Variants in UBE2O observed in about 807,000 individuals in gnomAD.
UBE2O encodes the protein ubiquitin conjugating enzyme E2 O, also known as (E3-independent) E2 ubiquitin-conjugating enzyme.
A neutral mutation model predicts 125.8 loss-of-function variants in UBE2O; 15 were observed. The ratio of observed to expected loss-of-function variants is 0.12; its 90% CI spans 0.08 to 0.18. The LOEUF is 0.18. UBE2O is among the 10% of genes least tolerant of loss of function. The pLI is 1.00. For missense variants in UBE2O, 1,280 were observed against 1,723.6 expected (o/e 0.74, Z 4.56); for synonymous variants, 708 against 703.2 (o/e 1.01, Z -0.11).
At chr17:76,406,903 T>C (rs1033323006) in intron 1 of UBE2O, among the ~76,000 whole-genome samples, 14 of 152,094 alleles carry the variant, frequency 9.2e-5, no homozygotes, top group African/African-American at 3.4e-4. Flanking sequence ...CTTCACCATG[T>C]TGGCCAGGCT....
chr17:76,399,787 G>A lies in UBE2O; in HGVS notation c.1290C>T (p.Ala430=). Residue 430 remains alanine (A), a synonymous_variant, in exon 9 of 18, where the codon GCC becomes GCT. Coordinates refer to ENST00000319380, the MANE Select transcript of UBE2O (RefSeq NM_022066.4). This position sits in a 1 kb window ranked among gnomAD's most constrained non-coding sequence, Gnocchi z 6.9. ...AGCCATCGGGCGTCTCCTCAGGGCT[G>A]GCAGACTCCGCTTCGCTCTTGGTTT... ...ESKTKSEAES[A]SPEETPDGSA... 6.2e-7 allele frequency: 1 copy of A among 1,614,234 alleles called. No homozygotes were observed.
rs755504180 is a variant in UBE2O, at chr17:76,452,905, C to T, written c.237G>A (p.Val79=). The part of the protein sequence containing the change: ...RYRGSVHFGL[V]RLIHGEDSDS... ...CCGAGTCCTCGCCGTGGATGAGGCGCACCAGCCCGAAGTGCACGGAGCCAC... is the reference window on the plus strand; with the variant it reads ...CCGAGTCCTCGCCGTGGATGAGGCGTACCAGCCCGAAGTGCACGGAGCCAC... The change falls in exon 1 of 18, where the codon GTG becomes GTA. Residue 79 remains valine (V), a synonymous_variant. Transcript: ENST00000319380. The surrounding 1 kb of genome is among the most constrained non-coding windows in gnomAD (Gnocchi z 4.4). 3 of 1,497,404 alleles carry T rather than the reference C, an allele frequency of 2.0e-6. No homozygotes were observed. In the East Asian group the frequency reaches 8.9e-5, roughly 44 times the overall value. The allele number at this position is 1,497,404 out of a possible 1,614,324, so 92.8% of individuals were successfully genotyped here.
rs2072187395 is a variant in UBE2O at position 76,395,353 on chromosome 17, TG to T, written c.2946+371del. 1 of 157,946 alleles carries T rather than the reference TG, an allele frequency of 6.3e-6. No homozygotes were observed. Among genetic ancestry groups the T allele is most frequent in the South Asian group, 1.9e-4 (1 of 5,162 alleles). 9.8% of individuals were successfully genotyped at this position (157,946 alleles called of 1,614,324 possible). On this transcript the variant is annotated intron_variant, in intron 15 of 17. Transcript: ENST00000319380. The surrounding 1 kb of genome is among the most constrained non-coding windows in gnomAD (Gnocchi z 5.0). ...CCCGCATGGTGGCGGGAGAGTTTTT[TG>T]TAATTTTTTTTTTTTTTTTAGTGGA...
chr17:76,408,234 C>T (rs1165268760), intron 1 of UBE2O, among the ~76,000 whole-genome samples: 1 of 152,186 alleles, frequency 6.6e-6, no homozygotes, highest in African/African-American at 2.4e-5. Context: ...AGGAAGGAAC[C>T]GACGTGCTCC....
intron 1 of UBE2O, among the ~76,000 whole-genome samples, chr17:76,431,389 G>A (rs1360524918): frequency 3.3e-5 from 5 of 152,116 alleles, no homozygotes; most frequent in East Asian, 3.9e-4. Flanking sequence ...GCTGGTGCAC[G>A]CCTGTAATCC....
At position 76,404,780 on chromosome 17, in the gene UBE2O, G is replaced by A. The variant is rs987578884; in HGVS notation, c.588+426C>T. 2.0e-5 allele frequency among the ~76,000 whole-genome samples: 3 copies of A among 152,014 alleles called. No homozygotes were observed. Among genetic ancestry groups the A allele is most frequent in the Non-Finnish European group, 4.4e-5 (3 of 68,030 alleles). ...AGAAAAAAGACCGGAGGGGGATCTC[G>A]GGGAAAAGGAGGGAGGGAAGGTGAT... is the stretch of plus-strand genomic sequence containing the variant. On this transcript the variant is annotated intron_variant, in intron 3 of 17. Coordinates refer to ENST00000319380, the MANE Select transcript of UBE2O (RefSeq NM_022066.4). The surrounding 1 kb of genome is among the most constrained non-coding windows in gnomAD (Gnocchi z 4.3).
At position 76,452,595 on chromosome 17, in the gene UBE2O, G is replaced by C. The variant is rs370773712; in HGVS notation, c.417+130C>G. 4.8e-4 allele frequency: 405 copies of C among 850,084 alleles called. 8 individuals are homozygous for C. In the East Asian group the frequency reaches 9.7e-3, roughly 20 times the overall value. 52.7% of individuals were successfully genotyped at this position (850,084 alleles called of 1,614,324 possible). ...TTTGCATGGAGTGTACCCTCCACTG[G>C]GGCTGTCCTCCCGCGTCGGCCACTG... is the stretch of plus-strand genomic sequence containing the variant. On this transcript the variant is annotated intron_variant, in intron 1 of 17. Coordinates refer to ENST00000319380, the MANE Select transcript of UBE2O (RefSeq NM_022066.4). The surrounding 1 kb of genome is among the most constrained non-coding windows in gnomAD (Gnocchi z 4.4).
chr17:76,401,228 G>A, intron 5 of UBE2O, 74 bp from the exon 6 acceptor site: 3 of 1,549,560 alleles, frequency 1.9e-6, no homozygotes, highest in Non-Finnish European at 2.6e-6. Flanking sequence ...CCACGCCTGT[G>A]CCCGCTGGCT....
chr17:76,425,482 C>T (rs1467084074), intron 1 of UBE2O, among the ~76,000 whole-genome samples: 2 of 152,160 alleles, frequency 1.3e-5, no homozygotes, highest in Non-Finnish European at 2.9e-5. Context: ...TGAATATTTA[C>T]CTCCATACAT....
rs200553803 is a variant in UBE2O, at chr17:76,396,627, C to G, written c.2310G>C (p.Glu770Asp). 1 of 1,612,914 alleles carries G rather than the reference C, an allele frequency of 6.2e-7. No individual in the cohort carries two copies. The highest frequency in any genetic ancestry group is 8.5e-7 in the Non-Finnish European group (1 of 1,179,656). The change falls in exon 14 of 18, where the codon GAG becomes GAC. Residue 770 changes from glutamate to aspartate, a missense_variant. Glu to Asp is a conservative substitution (Grantham distance 45). This residue lies in a region of UBE2O where 210 missense variants were observed against 268.9 expected (regional missense o/e 0.78). Transcript: ENST00000319380. The surrounding 1 kb of genome is among the most constrained non-coding windows in gnomAD (Gnocchi z 6.7). ...CTTCACTGATCACCACTCCCTTGTC[C>G]TCAGGGGCCACCGGCTGCTCCAGGG... Reference protein sequence around the residue: ...IPPLEQPVAPEDKGVVISEEA... With the variant: ...IPPLEQPVAPDDKGVVISEEA...
At position 76,396,029 on chromosome 17, in the gene UBE2O, C is replaced by T. The variant is rs1193633458; in HGVS notation, c.2809+99G>A. 1 of 1,487,218 alleles carries T rather than the reference C, an allele frequency of 6.7e-7. No individual in the cohort carries two copies. The highest frequency in any genetic ancestry group is 2.0e-5 in the Admixed American group (1 of 50,714). The allele number at this position is 1,487,218 out of a possible 1,614,324, so 92.1% of individuals were successfully genotyped here. On this transcript the variant is annotated intron_variant, in intron 14 of 17. Transcript: ENST00000319380. The surrounding 1 kb of genome is among the most constrained non-coding windows in gnomAD (Gnocchi z 6.7). ...TTTGCCCTGGGGCAGTAGCTGGGGT[C>T]TGGCGAGGGGACTAACCACCCTGCA...
At chr17:76,416,260 G>C in intron 1 of UBE2O, among the ~76,000 whole-genome samples, 1 of 151,876 alleles carries the variant, frequency 6.6e-6, no homozygotes, top group Non-Finnish European at 1.5e-5. Context: ...GTATGTATAT[G>C]TATATATATA....
At chr17:76,439,424 C>T (rs1236493610) in intron 1 of UBE2O, among the ~76,000 whole-genome samples, 2 of 152,180 alleles carry the variant, frequency 1.3e-5, no homozygotes, top group African/African-American at 4.8e-5. Flanking sequence ...TTTTCTATAA[C>T]AAGACCAAGA....
chr17:76,392,252 G>A (rs2072125884), intron 15 of UBE2O, 139 bp from the exon 16 acceptor site: 1 of 537,982 alleles, frequency 1.9e-6, no homozygotes. Context: ...TGGGACTCCA[G>A]ATGCCACCAG....
intron 1 of UBE2O, among the ~76,000 whole-genome samples, chr17:76,416,317 G>T (rs2072616784): frequency 6.6e-6 from 1 of 152,074 alleles, no homozygotes; most frequent in South Asian, 2.1e-4. Flanking sequence ...TGAGCTTGCT[G>T]GAAACGCAGA....
chr17:76,427,194 C>T (rs1195099012), intron 1 of UBE2O, among the ~76,000 whole-genome samples: 1 of 152,144 alleles, frequency 6.6e-6, no homozygotes, highest in Non-Finnish European at 1.5e-5. Flanking sequence ...ACAAGCATCT[C>T]TTTTATCTCT....
chr17:76,450,184 C>G (rs570219398), intron 1 of UBE2O, among the ~76,000 whole-genome samples: 1 of 151,900 alleles, frequency 6.6e-6, no homozygotes, highest in African/African-American at 2.4e-5. Context: ...CTTTCCTTTA[C>G]GGCATACTAT....
chr17:76,442,072 A>C (rs1354983726), intron 1 of UBE2O, among the ~76,000 whole-genome samples: 3 of 143,664 alleles, frequency 2.1e-5, no homozygotes, highest in African/African-American at 7.3e-5. Flanking sequence ...GCCATTTGTC[A>C]AGTGCTTTAG....
chr17:76,447,785 G>A (rs182466227), intron 1 of UBE2O, among the ~76,000 whole-genome samples: 4 of 152,132 alleles, frequency 2.6e-5, no homozygotes, highest in East Asian at 1.9e-4. Context: ...AACCCGCCTC[G>A]TGCACCTTTT....
Sources: gnomAD v4.1 joint callset for allele counts (sites outside exome capture counted in the v4.1 genomes callset) on GRCh38, gnomAD v4.1.1 for gene constraint, gnomAD v4.1.1 regional missense constraint, Gnocchi (gnomAD v3.1) non-coding constraint, MANE v1.5 for transcripts, NCBI Gene and HGNC (gene_info 2026-07-23, HGNC 2026-07-21) for gene names.